The following TJP1 variants were observed in gnomAD, a reference collection of about 807,000 sequenced individuals.
TJP1 encodes the protein tight junction protein ZO-1.
Under a neutral mutation model 194.2 loss-of-function variants are expected in TJP1, and 43 were observed. The observed-to-expected ratio is 0.22, with a 90% CI of 0.17 to 0.29. The LOEUF (loss-of-function observed/expected upper bound fraction) is 0.29. TJP1 is among the 10% of genes least tolerant of loss of function. TJP1 has a pLI of 1.00. For synonymous variants in TJP1, 801 were observed against 779.0 expected (o/e 1.03, Z -0.47); for missense variants, 1,971 against 2,185.7 (o/e 0.90, Z 1.96).
At chr15:29,955,694 T>C (rs919188058) in intron 2 of TJP1, among the ~76,000 whole-genome samples, 1 of 134,260 alleles carries the variant, frequency 7.4e-6, no homozygotes, top group Admixed American at 9.2e-5. Context: ...AAGGCTGCAG[T>C]GAGCCATGAT....
intron 2 of TJP1, among the ~76,000 whole-genome samples, chr15:29,876,498 G>C (rs1030381960): frequency 2.6e-5 from 4 of 151,264 alleles, no homozygotes; most frequent in Admixed American, 2.0e-4. Context: ...TCCAGCCTGG[G>C]CAACAGAGTG....
upstream of TJP1, chr15:29,823,944 G>C (rs1395876226): frequency 4.0e-5 from 6 of 151,648 alleles, no homozygotes; most frequent in African/African-American, 1.5e-4. Flanking sequence ...AAATTAGCCT[G>C]GTGTGGCGCG....
chr15:29,800,578 C>T, intron 2 of TJP1, 68 bp downstream of exon 2: 1 of 1,519,848 alleles, frequency 6.6e-7, no homozygotes, highest in Non-Finnish European at 9.1e-7. Flanking sequence ...TCTGGCTTTC[C>T]TCTATTGTTT....
intron 2 of TJP1, among the ~76,000 whole-genome samples, chr15:29,954,264 C>T (rs575678621): frequency 8.5e-5 from 13 of 152,136 alleles, no homozygotes; most frequent in Admixed American, 2.0e-4. Context: ...AACTGAAGGC[C>T]ATCTTTTTCT....
At chr15:29,886,631 A>G (rs532781187) in intron 2 of TJP1, among the ~76,000 whole-genome samples, 1 of 151,652 alleles carries the variant, frequency 6.6e-6, no homozygotes, top group East Asian at 1.9e-4. Flanking sequence ...AATACTAGAT[A>G]TACAAAACCA....
chr15:29,778,440 G>T (rs892556842), intron 2 of TJP1, among the ~76,000 whole-genome samples: 1 of 151,956 alleles, frequency 6.6e-6, no homozygotes, highest in Non-Finnish European at 1.5e-5. Flanking sequence ...AATTTCAAAA[G>T]GTTCAACTTT....
intron 10 of TJP1, chr15:29,740,934 C>A (rs1263089794): frequency 5.8e-6 from 1 of 172,768 alleles, no homozygotes; most frequent in East Asian, 1.8e-4. Flanking sequence ...TGCCACAATG[C>A]ACAGGACAGC....
At chr15:29,775,928 C>T (rs1054806927) in intron 2 of TJP1, among the ~76,000 whole-genome samples, 2 of 152,082 alleles carry the variant, frequency 1.3e-5, no homozygotes, top group African/African-American at 2.4e-5. Context: ...GCACCAGGCG[C>T]AAATGATTTC....
chr15:29,860,755 T>C (rs563194330), intron 2 of TJP1, among the ~76,000 whole-genome samples: 2 of 152,338 alleles, frequency 1.3e-5, no homozygotes, highest in East Asian at 3.9e-4. Context: ...TGTGCTTTGA[T>C]TTAATGAGCT....
chr15:29,911,289 T>C (rs1000130101), intron 2 of TJP1, among the ~76,000 whole-genome samples: 6 of 152,164 alleles, frequency 3.9e-5, no homozygotes, highest in Admixed American at 3.3e-4. Context: ...TGAGTTGCTG[T>C]TTCTAGAATG....
chr15:29,896,671 T>C (rs915322015), intron 2 of TJP1, among the ~76,000 whole-genome samples: 3 of 152,214 alleles, frequency 2.0e-5, no homozygotes, highest in Non-Finnish European at 4.4e-5. Flanking sequence ...CAAAAAATGC[T>C]GATAGTGATC....
At chr15:29,900,648 T>A (rs1041849253) in intron 2 of TJP1, among the ~76,000 whole-genome samples, 3 of 152,204 alleles carry the variant, frequency 2.0e-5, no homozygotes, top group African/African-American at 7.2e-5. Flanking sequence ...ATAAACTGCA[T>A]ACAAACTTGT....
rs892637515 is a variant in TJP1, at chr15:29,968,384, GTGCCAGGCGTCCCGGCCGC to G, written c.173+264_173+282del. 6.1e-6 allele frequency: 6 copies of G among 985,222 alleles called. No homozygotes were observed. In the African/African-American group the frequency reaches 1.0e-4, roughly 17 times the overall value. The allele number at this position is 985,222 out of a possible 1,614,324, so 61.0% of individuals were successfully genotyped here. On this transcript the variant is annotated intron_variant, in intron 1 of 28. Transcript: ENST00000356107. ...GCGGGAGGCCGACGCCCGGGTGCGG[GTGCCAGGCGTCCCGGCCGC>G]TCCCCGTCGCCCTACGCGCCGCGGG...
chr15:29,777,965 C>T (rs2047121347), intron 2 of TJP1, among the ~76,000 whole-genome samples: 1 of 151,936 alleles, frequency 6.6e-6, no homozygotes, highest in South Asian at 2.1e-4. Context: ...TGTAATTTTA[C>T]AGTATGAACT....
chr15:29,737,359 C>T lies in TJP1; in HGVS notation c.1312G>A (p.Ala438Thr). ...RKGDSVGLRLAGGNDVGIFVA... is the reference protein window; with the variant it reads ...RKGDSVGLRLTGGNDVGIFVA... Reference sequence around the variant, plus strand: ...AATATTCCAACATCATTTCCACCAGCCAGCCGCAAACCCACACTATCTCCT... The same window carrying T: ...AATATTCCAACATCATTTCCACCAGTCAGCCGCAAACCCACACTATCTCCT... The change falls in exon 11 of 28, where the codon GCT becomes ACT. Residue 438 changes from alanine to threonine, a missense_variant. By Grantham distance (58) the Ala-to-Thr change is moderately conservative. This residue lies in a region of TJP1 where 24 missense variants were observed against 54.2 expected (regional missense o/e 0.44). Transcript: ENST00000614355. 1 of 1,614,166 alleles carries T rather than the reference C, an allele frequency of 6.2e-7. No individual in the cohort carries two copies. Among genetic ancestry groups the T allele is most frequent in the African/African-American group, 1.3e-5 (1 of 75,040 alleles).
At chr15:29,949,462 CACCACCACCACCTCCACA>C (rs1458641778) in intron 2 of TJP1, among the ~76,000 whole-genome samples, 3,849 of 128,326 alleles carry the variant, frequency 0.03, 127 homozygotes, top group African/African-American at 0.055. Flanking sequence ...CCACCACTTC[CACCACCACCACCTCCACA>C]ACCACCACCT....
intron 5 of TJP1, among the ~76,000 whole-genome samples, chr15:29,764,703 A>G (rs1433106466): frequency 6.6e-6 from 1 of 152,236 alleles, no homozygotes; most frequent in African/African-American, 2.4e-5. Context: ...GGATCAATAG[A>G]AACACATTCA....
rs71103416 is a variant in TJP1 at position 29,912,695 on chromosome 15, C to CAAAAAAAAAAAAAAAAA, written c.306+43520_306+43536dup. Among the ~76,000 whole-genome samples the CAAAAAAAAAAAAAAAAA allele has an allele frequency of 5.2e-4, 34 of 64,958 alleles. 1 individual carries two copies. Among genetic ancestry groups the CAAAAAAAAAAAAAAAAA allele is most frequent in the African/African-American group, 2.4e-3 (27 of 11,454 alleles). 42.6% of individuals were successfully genotyped at this position (64,958 alleles called of 152,430 possible). The stretch of plus-strand genomic sequence containing the variant: ...TGGGAGACAGAGCAAGACTCTGTCT[C>CAAAAAAAAAAAAAAAAA]AAAAAAAAAAAAAAAAAAAAAAAAA... On this transcript the variant is annotated intron_variant, in intron 2 of 28. Coordinates refer to the TJP1 transcript ENST00000356107.
intron 2 of TJP1, among the ~76,000 whole-genome samples, chr15:29,861,810 G>A (rs897170979): frequency 3.3e-5 from 5 of 152,086 alleles, no homozygotes; most frequent in Non-Finnish European, 7.4e-5. Flanking sequence ...CTTTACTGAC[G>A]GTATCATTTA....
Sources: allele counts gnomAD v4.1 joint callset (sites outside exome capture counted in the v4.1 genomes callset), GRCh38; gene constraint gnomAD v4.1.1; regional missense constraint gnomAD v4.1.1; transcripts MANE v1.5; gene names NCBI Gene and HGNC (gene_info 2026-07-23, HGNC 2026-07-21).